The following PCDHGC5 variants were observed in gnomAD, a reference collection of about 807,000 sequenced individuals.
PCDHGC5 encodes the protein protocadherin gamma subfamily C, 5, also known as protocadherin gamma-C5.
In PCDHGC5, 25 loss-of-function variants were observed where a neutral mutation model predicts 59.0. The ratio of observed to expected loss-of-function variants is 0.42; its 90% CI spans 0.31 to 0.59. PCDHGC5 has a LOEUF of 0.59. Ranked by LOEUF, PCDHGC5 falls within the 20% of genes least tolerant of loss-of-function variation. The pLI, the probability that PCDHGC5 is intolerant of heterozygous loss-of-function variation, is 0.13. For synonymous variants in PCDHGC5, 434 were observed against 505.5 expected (o/e 0.86, Z 1.90); for missense variants, 1,067 against 1,206.4 (o/e 0.88, Z 1.71).
chr5:141,499,689 CTTTTTTTTTTTT>C (rs545067566), intron 2 of PCDHGC5, among the ~76,000 whole-genome samples: 1 of 119,856 alleles, frequency 8.3e-6, no homozygotes, highest in Non-Finnish European at 1.7e-5. Flanking sequence ...TAACAGATGA[CTTTTTTTTTTTT>C]TTTTTTTTTT....
intron 2 of PCDHGC5, among the ~76,000 whole-genome samples, chr5:141,495,507 C>T (rs1380258502): frequency 6.6e-6 from 1 of 152,188 alleles, no homozygotes; most frequent in African/African-American, 2.4e-5. Context: ...TCCGTCTTTG[C>T]CACTTTCTCT....
Position 141,490,637 on chromosome 5 carries a change from A to C in PCDHGC5, c.1397A>C (p.Asn466Thr). ...QQLYTAYILE[N>T]RPPGSLLCTV... ...CTTTACACTGCTTACATCCTAGAAA[A>C]CCGGCCTCCGGGCTCCCTTCTTTGC... is the stretch of plus-strand genomic sequence containing the variant. Residue 466 changes from asparagine to threonine, a missense_variant, in exon 1 of 4, where the codon AAC (asparagine) becomes ACC (threonine). Coordinates refer to ENST00000252087, the MANE Select transcript of PCDHGC5 (RefSeq NM_018929.3). This position sits in a 1 kb window ranked among gnomAD's most constrained non-coding sequence, Gnocchi z 5.4. 1 of 1,614,108 alleles carries C rather than the reference A, an allele frequency of 6.2e-7. No individual in the cohort carries two copies. Among genetic ancestry groups the C allele is most frequent in the Non-Finnish European group, 8.5e-7 (1 of 1,179,992 alleles).
At chr5:141,494,729 C>A in intron 1 of PCDHGC5, 78 bp from the exon 2 acceptor site, 1 of 1,610,166 alleles carries the variant, frequency 6.2e-7, no homozygotes. Context: ...CCTTCTCTCC[C>A]GGCCCATCCC....
In PCDHGC5 at chr5:141,491,723, G is replaced by A. The variant is rs764792125; in HGVS notation, c.2460+23G>A. The A allele has an allele frequency of 1.7e-5, 27 of 1,606,770 alleles. No individual in the cohort carries two copies. In the African/African-American group the frequency reaches 3.2e-4, roughly 19 times the overall value. On this transcript the variant is annotated intron_variant, in intron 1 of 3. Coordinates refer to ENST00000252087, the MANE Select transcript of PCDHGC5 (RefSeq NM_018929.3). The surrounding 1 kb of genome is among the most constrained non-coding windows in gnomAD (Gnocchi z 6.9). The stretch of plus-strand genomic sequence containing the variant: ...CAGGTGAGGGGCTCGGCGCCGCCCC[G>A]GGCGACCCCTGGGGGCGGCACTGGA...
At chr5:141,509,354 A>G (rs1229726913) in intron 3 of PCDHGC5, among the ~76,000 whole-genome samples, 2 of 152,144 alleles carry the variant, frequency 1.3e-5, no homozygotes, top group Non-Finnish European at 2.9e-5. Context: ...TGGCCTGGGC[A>G]TCCCTGAGGT....
chr5:141,497,396 C>T (rs2099776233), intron 2 of PCDHGC5, among the ~76,000 whole-genome samples: 1 of 152,116 alleles, frequency 6.6e-6, no homozygotes, highest in Middle Eastern at 3.2e-3. Flanking sequence ...CTTACCCCTG[C>T]CTCAACTCCC....
intron 2 of PCDHGC5, among the ~76,000 whole-genome samples, chr5:141,500,184 T>TTTTATTTATTTATTTA (rs58019021): frequency 1.5e-5 from 2 of 135,886 alleles, no homozygotes; most frequent in African/African-American, 5.4e-5. Flanking sequence ...TCATTTTTAT[T>TTTTATTTATTTATTTA]TTTATTTATT....
rs984222446 is a variant in PCDHGC5 at position 141,493,942 on chromosome 5, G to T, written c.2461-865G>T. ...ACACACCCCCTGGAAAGACCAGAAG[G>T]GACTCAGGAATGAAGTGGCTGGCCA... On this transcript the variant is annotated intron_variant, in intron 1 of 3. Transcript: ENST00000252087. The surrounding 1 kb of genome is among the most constrained non-coding windows in gnomAD (Gnocchi z 4.3). Among the ~76,000 whole-genome samples the T allele has an allele frequency of 1.3e-5, 2 of 152,168 alleles. No individual in the cohort carries two copies. Among genetic ancestry groups the T allele is most frequent in the Non-Finnish European group, 1.5e-5 (1 of 68,022 alleles).
At position 141,491,798 on chromosome 5, in the gene PCDHGC5, G is replaced by A. The variant is rs1269524283; in HGVS notation, c.2460+98G>A. 1 of 1,506,648 alleles carries A rather than the reference G, an allele frequency of 6.6e-7. No homozygotes were observed. The highest frequency in any genetic ancestry group is 8.9e-7 in the Non-Finnish European group (1 of 1,128,050). The allele number at this position is 1,506,648 out of a possible 1,614,324, so 93.3% of individuals were successfully genotyped here. ...TTGAACTTGCATCCACTCCTCTCCG[G>A]CCGGCTTGGTCGCTGGCTGCGCTCC... On this transcript the variant is annotated intron_variant, in intron 1 of 3. Coordinates refer to ENST00000252087, the MANE Select transcript of PCDHGC5 (RefSeq NM_018929.3). This position sits in a 1 kb window ranked among gnomAD's most constrained non-coding sequence, Gnocchi z 6.9.
chr5:141,501,164 G>C (rs991995325), intron 2 of PCDHGC5, among the ~76,000 whole-genome samples: 32 of 152,144 alleles, frequency 2.1e-4, no homozygotes, highest in African/African-American at 7.7e-4. Context: ...ACCATCCCCA[G>C]CCTCATTTAC....
rs1036281905 is a variant in PCDHGC5 at position 141,493,555 on chromosome 5, T to C, written c.2461-1252T>C. ...GCCAGTTATCCTTTTGGAGATTGAG[T>C]TCCCCCAGCTCCGTTTCCTCCTATC... On this transcript the variant is annotated intron_variant, in intron 1 of 3. Transcript: ENST00000252087. This position sits in a 1 kb window ranked among gnomAD's most constrained non-coding sequence, Gnocchi z 4.3. Among the ~76,000 whole-genome samples, 3 of 152,012 alleles carry C rather than the reference T, an allele frequency of 2.0e-5. No individual in the cohort carries two copies. Among genetic ancestry groups the C allele is most frequent in the African/African-American group, 7.3e-5 (3 of 41,362 alleles).
Position 141,489,576 on chromosome 5 carries a change from C to G in PCDHGC5, c.336C>G (p.His112Gln). 6.2e-7 allele frequency: 1 copy of G among 1,614,054 alleles called. No individual in the cohort carries two copies. Among genetic ancestry groups the G allele is most frequent in the Non-Finnish European group, 8.5e-7 (1 of 1,179,976 alleles). Residue 112 changes from histidine to glutamine, a missense_variant, in exon 1 of 4, where the codon CAC becomes CAG. Coordinates refer to ENST00000252087, the MANE Select transcript of PCDHGC5 (RefSeq NM_018929.3). This position sits in a 1 kb window ranked among gnomAD's most constrained non-coding sequence, Gnocchi z 4.5. ...TGCCAGTGCAGGTGGTGACTGAACA[C>G]CCCCTGGAGCTAATCCGTGTAGAGG... ...CLLPVQVVTE[H>Q]PLELIRVEVE...
rs776258973 is a variant in PCDHGC5, at chr5:141,489,877, A to G, written c.637A>G (p.Thr213Ala). 1.2e-6 allele frequency: 2 copies of G among 1,614,230 alleles called. No individual in the cohort carries two copies. The highest frequency in any genetic ancestry group is 2.2e-5 in the South Asian group (2 of 91,090). ...EAQARHQLVLTAVDGGTPARS... is the reference protein window; with the variant it reads ...EAQARHQLVLAAVDGGTPARS... Reference sequence around the variant, plus strand: ...CCAGGCAAGACATCAGCTGGTGCTTACTGCTGTGGATGGGGGGACCCCAGC... The same window carrying G: ...CCAGGCAAGACATCAGCTGGTGCTTGCTGCTGTGGATGGGGGGACCCCAGC... Residue 213 changes from threonine (T) to alanine (A), a missense_variant, in exon 1 of 4, where the codon ACT (threonine) becomes GCT (alanine). Thr to Ala is a moderately conservative substitution (Grantham distance 58, BLOSUM62 0). Coordinates refer to ENST00000252087, the MANE Select transcript of PCDHGC5 (RefSeq NM_018929.3). This position sits in a 1 kb window ranked among gnomAD's most constrained non-coding sequence, Gnocchi z 4.5.
In PCDHGC5 at chr5:141,489,574, C is replaced by T. The variant is rs963768096; in HGVS notation, c.334C>T (p.His112Tyr). The T allele has an allele frequency of 2.5e-6, 4 of 1,613,978 alleles. No homozygotes were observed. The highest frequency in any genetic ancestry group is 3.4e-6 in the Non-Finnish European group (4 of 1,180,014). ...CLLPVQVVTE[H>Y]PLELIRVEVE... ...GCTGCCAGTGCAGGTGGTGACTGAA[C>T]ACCCCCTGGAGCTAATCCGTGTAGA... The change falls in exon 1 of 4, where the codon CAC (histidine) becomes TAC (tyrosine). Residue 112 changes from histidine (H) to tyrosine (Y), a missense_variant. Physicochemically the swap from His to Tyr is moderately conservative, Grantham distance 83 (BLOSUM62 2). Coordinates refer to ENST00000252087, the MANE Select transcript of PCDHGC5 (RefSeq NM_018929.3). This position sits in a 1 kb window ranked among gnomAD's most constrained non-coding sequence, Gnocchi z 4.5.
In PCDHGC5 at chr5:141,493,985, C is replaced by A. The variant is rs1444608753; in HGVS notation, c.2461-822C>A. On this transcript the variant is annotated intron_variant, in intron 1 of 3. Coordinates refer to ENST00000252087, the MANE Select transcript of PCDHGC5 (RefSeq NM_018929.3). This position sits in a 1 kb window ranked among gnomAD's most constrained non-coding sequence, Gnocchi z 4.3. ...GCTGGCCAGAGCCCCACACCTTCAGCTAGGTGGGAGATGGCTACACATCAG... is the reference window on the plus strand; with the variant it reads ...GCTGGCCAGAGCCCCACACCTTCAGATAGGTGGGAGATGGCTACACATCAG... Among the ~76,000 whole-genome samples the A allele has an allele frequency of 6.6e-6, 1 of 152,196 alleles. No individual in the cohort carries two copies. The highest frequency in any genetic ancestry group is 1.5e-5 in the Non-Finnish European group (1 of 68,032).
Position 141,490,772 on chromosome 5 carries a change from C to T in PCDHGC5, c.1532C>T (p.Pro511Leu). Reference protein sequence around the residue: ...APASSFVYVNPEDGRIFAQRT... With the variant: ...APASSFVYVNLEDGRIFAQRT... ...GCCTCCTCCTTTGTGTATGTCAACC[C>T]AGAGGATGGACGGATCTTTGCCCAG... The change falls in exon 1 of 4, where the codon CCA (proline) becomes CTA (leucine). Residue 511 changes from proline to leucine, a missense_variant. Coordinates refer to ENST00000252087, the MANE Select transcript of PCDHGC5 (RefSeq NM_018929.3). This position sits in a 1 kb window ranked among gnomAD's most constrained non-coding sequence, Gnocchi z 5.4. 6.2e-7 allele frequency: 1 copy of T among 1,614,164 alleles called. No homozygotes were observed. The highest frequency in any genetic ancestry group is 1.1e-5 in the South Asian group (1 of 91,082).
rs561817609 is a variant in PCDHGC5, at chr5:141,496,904, G to A, written c.2519+2039G>A. Among the ~76,000 whole-genome samples, 12 of 137,476 alleles carry A rather than the reference G, an allele frequency of 8.7e-5. 1 individual carries two copies. The South Asian group carries it at 2.0e-3, about 23-fold the overall frequency. The allele number at this position is 137,476 out of a possible 152,430, so 90.2% of individuals were successfully genotyped here. On this transcript the variant is annotated intron_variant, in intron 2 of 3. Transcript: ENST00000252087. ...AGTAACACTTAAAAAAAAAAAAAAA[G>A]GCTGGGCACTGTGGTTCACGCCTGT...
intron 2 of PCDHGC5, among the ~76,000 whole-genome samples, chr5:141,502,431 G>A (rs998074347): frequency 1.3e-5 from 2 of 151,948 alleles, no homozygotes; most frequent in African/African-American, 4.8e-5. Context: ...TTCTCTGATG[G>A]TTAGATTCAG....
At position 141,502,866 on chromosome 5, in the gene PCDHGC5, C is replaced by CTTTTTTTTTTT. The variant is rs549047197; in HGVS notation, c.2520-2523_2520-2513dup. Among the ~76,000 whole-genome samples the CTTTTTTTTTTT allele has an allele frequency of 4.4e-4, 56 of 128,014 alleles. 1 individual carries two copies. The highest frequency in any genetic ancestry group is 5.1e-4 in the Non-Finnish European group (32 of 62,412). The allele number at this position is 128,014 out of a possible 152,430, so 84.0% of individuals were successfully genotyped here. ...GAGCTGCCTAACCCTGACTCTCTGTCTTTTTTTTTTTTTTGACAGGGAGTC... is the reference window on the plus strand; with the variant it reads ...GAGCTGCCTAACCCTGACTCTCTGTCTTTTTTTTTTTTTTTTTTTTTTTTTGACAGGGAGTC... On this transcript the variant is annotated intron_variant, in intron 2 of 3. Coordinates refer to ENST00000252087, the MANE Select transcript of PCDHGC5 (RefSeq NM_018929.3).
Sources: gnomAD v4.1 joint callset for allele counts (sites outside exome capture counted in the v4.1 genomes callset) on GRCh38, gnomAD v4.1.1 for gene constraint, Gnocchi (gnomAD v3.1) non-coding constraint, MANE v1.5 for transcripts, NCBI Gene and HGNC (gene_info 2026-07-23, HGNC 2026-07-21) for gene names.